The following DZANK1 variants were observed in gnomAD, a reference collection of about 807,000 sequenced individuals.
The protein encoded by DZANK1 is double zinc ribbon and ankyrin repeat-containing protein 1.
In DZANK1, 91 loss-of-function variants were observed where a neutral mutation model predicts 94.5. The observed-to-expected ratio is 0.96, with a 90% CI of 0.81 to 1.15. The LOEUF is 1.15. Ranked by LOEUF, DZANK1 falls within the 50% of genes most tolerant of loss-of-function variation. The pLI, the probability that DZANK1 is intolerant of heterozygous loss-of-function variation, is 0.00. For synonymous variants in DZANK1, 312 were observed against 325.3 expected (o/e 0.96, Z 0.44); for missense variants, 903 against 916.4 (o/e 0.99, Z 0.19).
Position 18,465,235 on chromosome 20 carries a change from A to T in DZANK1, c.109+15T>A. The T allele has an allele frequency of 1.3e-6, 2 of 1,483,788 alleles. No individual in the cohort carries two copies. The highest frequency in any genetic ancestry group is 1.8e-6 in the Non-Finnish European group (2 of 1,081,802). The allele number at this position is 1,483,788 out of a possible 1,614,324, so 91.9% of individuals were successfully genotyped here. A position where few individuals can be genotyped will look rare whatever the true frequency, so the allele number is the denominator to read the frequency against. ...AATGTTATTTTAAACAATTTCAAAC[A>T]TATGTGATTCTTACCTGATTTCATT... On this transcript the variant is annotated intron_variant, in intron 2 of 20. Transcript: ENST00000262547.
At chr20:18,447,911 T>C (rs530419158) in intron 7 of DZANK1, among the ~76,000 whole-genome samples, 20 of 152,164 alleles carry the variant, frequency 1.3e-4, no homozygotes, top group Non-Finnish European at 2.4e-4. Flanking sequence ...TATATACCTA[T>C]CATATTCCTC....
intron 16 of DZANK1, 30 bp downstream of exon 16, chr20:18,394,224 T>C (rs1262084259): frequency 1.3e-6 from 2 of 1,598,316 alleles, no homozygotes; most frequent in Non-Finnish European, 1.7e-6. Flanking sequence ...TGGTCAGTTG[T>C]TTTAAAATTG....
chr20:18,424,378 C>A (rs1204005981), intron 10 of DZANK1, among the ~76,000 whole-genome samples: 1 of 151,762 alleles, frequency 6.6e-6, no homozygotes, highest in Non-Finnish European at 1.5e-5. Flanking sequence ...TGGCTTGAAC[C>A]CAGAAGGTGG....
At chr20:18,465,568 G>T (rs935110144) in intron 1 of DZANK1, 191 bp from the exon 2 acceptor site, 1 of 257,062 alleles carries the variant, frequency 3.9e-6, no homozygotes, top group African/African-American at 2.2e-5. Context: ...GTGGGGTTTT[G>T]ATTATCTAAA....
At chr20:18,391,745 C>T (rs2056002450) in intron 17 of DZANK1, among the ~76,000 whole-genome samples, 1 of 152,222 alleles carries the variant, frequency 6.6e-6, no homozygotes, top group Non-Finnish European at 1.5e-5. Context: ...CCTGTCCTTG[C>T]TCCTGTGAAG....
intron 7 of DZANK1, among the ~76,000 whole-genome samples, 187 bp from the exon 8 acceptor site, chr20:18,443,651 G>T (rs2058782989): frequency 6.6e-6 from 1 of 152,170 alleles, no homozygotes; most frequent in African/African-American, 2.4e-5. Context: ...TTGGAATAGT[G>T]GCCTTGCAAC....
chr20:18,444,826 A>C (rs1207379513), intron 7 of DZANK1, among the ~76,000 whole-genome samples: 1 of 152,156 alleles, frequency 6.6e-6, no homozygotes, highest in Non-Finnish European at 1.5e-5. Context: ...TTAGAGACGG[A>C]GTCTTGCTCT....
chr20:18,396,445 A>G (rs369795385), intron 15 of DZANK1, 27 bp downstream of exon 15: 354 of 1,576,470 alleles, frequency 2.2e-4, no homozygotes, highest in Non-Finnish European at 3.0e-4. Context: ...CAGTTCTCAA[A>G]TGAATAACTT....
At chr20:18,449,152 T>A in intron 6 of DZANK1, 83 bp from the exon 7 acceptor site, 1 of 1,104,482 alleles carries the variant, frequency 9.1e-7, no homozygotes, top group Non-Finnish European at 1.4e-6. Flanking sequence ...AAAATTCCAT[T>A]AAAAATCATT....
chr20:18,461,600 CTT>C (rs71194239), intron 2 of DZANK1, among the ~76,000 whole-genome samples: 192 of 138,330 alleles, frequency 1.4e-3, no homozygotes, highest in African/African-American at 3.2e-3. Flanking sequence ...CATTTGTAAT[CTT>C]TTTTTTTTTT....
At chr20:18,384,586 G>A (rs555061306) in intron 20 of DZANK1, 22 bp from the exon 21 acceptor site, 17 of 1,574,056 alleles carry the variant, frequency 1.1e-5, no homozygotes, top group Admixed American at 5.4e-5. Context: ...ATGGAGAAAC[G>A]GAGGTGCACT....
chr20:18,438,781 A>G (rs2058625473), intron 8 of DZANK1, among the ~76,000 whole-genome samples: 1 of 152,238 alleles, frequency 6.6e-6, no homozygotes, highest in Non-Finnish European at 1.5e-5. Flanking sequence ...CAGCGAATTC[A>G]GTATCAGGTG....
intron 10 of DZANK1, among the ~76,000 whole-genome samples, chr20:18,422,386 G>A (rs934397217): frequency 1.3e-5 from 2 of 151,980 alleles, no homozygotes; most frequent in Non-Finnish European, 2.9e-5. Flanking sequence ...CTCTATTCTT[G>A]TCCATTGGTC....
At chr20:18,412,920 T>A in intron 12 of DZANK1, 67 bp from the exon 13 acceptor site, 1 of 1,387,996 alleles carries the variant, frequency 7.2e-7, no homozygotes, top group South Asian at 1.3e-5. Context: ...ATTTTACTTA[T>A]AGAAAACAAC....
intron 10 of DZANK1, among the ~76,000 whole-genome samples, chr20:18,418,160 A>G (rs1036958095): frequency 6.6e-6 from 1 of 152,086 alleles, no homozygotes; most frequent in Non-Finnish European, 1.5e-5. Flanking sequence ...CAGCAAGTAC[A>G]TACAAGCAGG....
chr20:18,429,063 A>G (rs1022321889), intron 9 of DZANK1, among the ~76,000 whole-genome samples: 1 of 152,218 alleles, frequency 6.6e-6, no homozygotes, highest in African/African-American at 2.4e-5. Flanking sequence ...CAGCATAATC[A>G]GCAATTGGCC....
intron 6 of DZANK1, chr20:18,451,779 C>T (rs2059110408): frequency 6.5e-6 from 3 of 461,740 alleles, no homozygotes; most frequent in African/African-American, 2.0e-5. Context: ...TCTCATCCGT[C>T]GGATCCCTCA....
chr20:18,460,686 G>A (rs777673235), intron 2 of DZANK1, among the ~76,000 whole-genome samples: 14 of 151,392 alleles, frequency 9.2e-5, no homozygotes, highest in South Asian at 2.1e-4. Flanking sequence ...CTGAGATTGC[G>A]CCACTGCACT....
At chr20:18,433,472 G>A in intron 9 of DZANK1, 180 bp downstream of exon 9, 1 of 563,034 alleles carries the variant, frequency 1.8e-6, no homozygotes, top group Non-Finnish European at 3.1e-6. Context: ...AACTGAGGAG[G>A]CGGAGGTTGC....
Sources: allele counts gnomAD v4.1 joint callset (sites outside exome capture counted in the v4.1 genomes callset), GRCh38; gene constraint gnomAD v4.1.1; transcripts MANE v1.5; gene names NCBI Gene and HGNC (gene_info 2026-07-23, HGNC 2026-07-21).